The following TAS2R1 variants were observed in gnomAD, a reference collection of about 807,000 sequenced individuals.
The protein encoded by TAS2R1 is taste receptor type 2 member 1.
For synonymous variants in TAS2R1, 141 were observed against 134.2 expected, an observed-to-expected ratio of 1.05 and a Z score of -0.35; for missense variants, 370 against 353.4, an observed-to-expected ratio of 1.05 and a Z score of -0.38.
intron 1 of TAS2R1, among the ~76,000 whole-genome samples, chr5:9,708,603 T>C (rs1466262248): frequency 1.6e-4 from 24 of 152,154 alleles, no homozygotes. Flanking sequence ...GGTCTCTTTT[T>C]TTTTTTCTTT....
At chr5:9,756,493 T>G in the TAS2R1 span, among the ~76,000 whole-genome samples, 1 of 152,222 alleles carries the variant, frequency 6.6e-6, no homozygotes, top group African/African-American at 2.4e-5. Flanking sequence ...ATTGTACCTC[T>G]ACAAACTCAA....
the TAS2R1 span, among the ~76,000 whole-genome samples, chr5:9,718,119 C>A: frequency 6.6e-6 from 1 of 151,256 alleles, no homozygotes. Context: ...GCCACCATGC[C>A]CAGCAATTTT....
chr5:9,874,479 C>A, the TAS2R1 span, among the ~76,000 whole-genome samples: 1 of 152,156 alleles, frequency 6.6e-6, no homozygotes, highest in African/African-American at 2.4e-5. Context: ...TCCTTAGCAT[C>A]TTCCCCCTCC....
the TAS2R1 span, among the ~76,000 whole-genome samples, chr5:9,807,159 C>T: frequency 2.0e-4 from 30 of 152,016 alleles, no homozygotes; most frequent in African/African-American, 6.0e-4. Context: ...AAATACCGAA[C>T]GTCACTAATT....
chr5:9,708,562 A>G (rs1479645324), intron 1 of TAS2R1, among the ~76,000 whole-genome samples: 1 of 152,038 alleles, frequency 6.6e-6, no homozygotes. Context: ...TACTATTTAT[A>G]TGGAAGCTTT....
upstream of TAS2R1, among the ~76,000 whole-genome samples, chr5:9,715,700 C>G (rs541554745): frequency 4.6e-4 from 70 of 152,302 alleles, no homozygotes; most frequent in African/African-American, 1.6e-3. Context: ...AGCCAGGGAA[C>G]AGAAGAGCTT....
At chr5:9,701,145 T>A (rs41483) in intron 1 of TAS2R1, among the ~76,000 whole-genome samples, 2 of 151,752 alleles carry the variant, frequency 1.3e-5, no homozygotes, top group African/African-American at 4.8e-5. Context: ...TCCTTATGTG[T>A]GTGTGTGGAG....
the TAS2R1 span, among the ~76,000 whole-genome samples, chr5:9,854,116 G>C: frequency 6.6e-6 from 1 of 152,148 alleles, no homozygotes; most frequent in Admixed American, 6.5e-5. Flanking sequence ...GACTGTGAGG[G>C]AGAATCTGCT....
chr5:9,637,270 C>T (rs1473746692), intron 2 of TAS2R1, among the ~76,000 whole-genome samples: 4 of 152,158 alleles, frequency 2.6e-5, no homozygotes, highest in Admixed American at 6.6e-5. Flanking sequence ...GCCTTTCTGG[C>T]TTGTAAGGTT....
chr5:9,736,819 A>G, the TAS2R1 span, among the ~76,000 whole-genome samples: 2 of 152,112 alleles, frequency 1.3e-5, no homozygotes, highest in East Asian at 3.9e-4. Context: ...CTGGATACCC[A>G]TGAGGGCTTA....
the TAS2R1 span, among the ~76,000 whole-genome samples, chr5:9,808,115 G>A: frequency 1.3e-5 from 2 of 152,176 alleles, no homozygotes; most frequent in East Asian, 1.9e-4. Context: ...CTACTAAAGG[G>A]GAGTCTGATG....
chr5:9,799,849 C>A, the TAS2R1 span, among the ~76,000 whole-genome samples: 1 of 152,192 alleles, frequency 6.6e-6, no homozygotes, highest in Non-Finnish European at 1.5e-5. Context: ...CTCTCAATGG[C>A]ATTTTGAGGG....
chr5:9,786,896 G>A, the TAS2R1 span, among the ~76,000 whole-genome samples: 1 of 152,038 alleles, frequency 6.6e-6, no homozygotes, highest in African/African-American at 2.4e-5. Flanking sequence ...CTCTGCATAA[G>A]CCACATCATT....
the TAS2R1 span, among the ~76,000 whole-genome samples, chr5:9,901,969 G>C: frequency 3.3e-5 from 5 of 152,214 alleles, no homozygotes; most frequent in Admixed American, 1.3e-4. Flanking sequence ...AAGGATCTCA[G>C]AGTAGTGGAC....
At chr5:9,895,159 G>T in the TAS2R1 span, among the ~76,000 whole-genome samples, 1 of 152,158 alleles carries the variant, frequency 6.6e-6, no homozygotes, top group Non-Finnish European at 1.5e-5. Flanking sequence ...GTGTGTGAAG[G>T]GGGGTGATGG....
the TAS2R1 span, among the ~76,000 whole-genome samples, chr5:9,874,251 C>T: frequency 1.3e-5 from 2 of 152,290 alleles, no homozygotes; most frequent in Admixed American, 6.5e-5. Context: ...AAGAACTGCT[C>T]TCGCTTGAGA....
chr5:9,753,787 C>G, the TAS2R1 span, among the ~76,000 whole-genome samples: 57 of 152,330 alleles, frequency 3.7e-4, no homozygotes, highest in Non-Finnish European at 7.8e-4. Flanking sequence ...TTTCCCAGCA[C>G]CATTTATTAA....
intron 2 of TAS2R1, among the ~76,000 whole-genome samples, chr5:9,657,518 A>G (rs1477847137): frequency 6.6e-6 from 1 of 152,194 alleles, no homozygotes; most frequent in Non-Finnish European, 1.5e-5. Flanking sequence ...ATTGAAAGTG[A>G]TCTGAAAAAC....
the TAS2R1 span, among the ~76,000 whole-genome samples, chr5:9,731,365 C>G: frequency 6.6e-6 from 1 of 152,138 alleles, no homozygotes; most frequent in African/African-American, 2.4e-5. Flanking sequence ...AGCCGCGGCA[C>G]CCCCTTCGCT....
Sources: gnomAD v4.1 joint callset for allele counts (sites outside exome capture counted in the v4.1 genomes callset) on GRCh38, gnomAD v4.1.1 for gene constraint, MANE v1.5 for transcripts, NCBI Gene and HGNC (gene_info 2026-07-23, HGNC 2026-07-21) for gene names.